Variants in HIVEP1 observed in about 807,000 individuals in gnomAD.
The protein encoded by HIVEP1 is HIVEP zinc finger 1.
A neutral mutation model predicts 180.0 loss-of-function variants in HIVEP1; 36 were observed. That is an observed-to-expected ratio of 0.20 (90% CI 0.15 to 0.26). The LOEUF (loss-of-function observed/expected upper bound fraction) is 0.26. HIVEP1 is among the 10% of genes least tolerant of loss of function. HIVEP1 has a pLI of 1.00. For synonymous variants in HIVEP1, 1,239 were observed against 1,239.0 expected, an observed-to-expected ratio of 1.00 and a Z score of 0.00; for missense variants, 3,143 against 3,268.7, an observed-to-expected ratio of 0.96 and a Z score of 0.94.
intron 2 of HIVEP1, among the ~76,000 whole-genome samples, chr6:12,060,372 C>T (rs1771148032): frequency 6.6e-6 from 1 of 152,150 alleles, no homozygotes; most frequent in Admixed American, 6.6e-5. Flanking sequence ...TAAACTAAAC[C>T]TGATAACAAT....
At chr6:12,022,118 T>C (rs1208271602) in intron 2 of HIVEP1, among the ~76,000 whole-genome samples, 1 of 152,228 alleles carries the variant, frequency 6.6e-6, no homozygotes, top group East Asian at 1.9e-4. Context: ...CCTGAACAGA[T>C]AAACCAGGTG....
chr6:12,050,902 A>T (rs1032509091), intron 2 of HIVEP1, among the ~76,000 whole-genome samples: 1 of 150,900 alleles, frequency 6.6e-6, no homozygotes, highest in Non-Finnish European at 1.5e-5. Flanking sequence ...GGGGAACCAC[A>T]GGCCAGGCGC....
At chr6:12,028,621 G>A (rs1227540403) in intron 2 of HIVEP1, among the ~76,000 whole-genome samples, 1 of 152,150 alleles carries the variant, frequency 6.6e-6, no homozygotes, top group Non-Finnish European at 1.5e-5. Flanking sequence ...TGATGGATAT[G>A]CTCCTTCATG....
intron 3 of HIVEP1, among the ~76,000 whole-genome samples, chr6:12,108,485 G>A (rs960069595): frequency 1.5e-4 from 23 of 152,226 alleles, no homozygotes; most frequent in Admixed American, 1.4e-3. Flanking sequence ...GCCCACGGAG[G>A]GGGTGGGAGG....
chr6:12,051,121 C>G (rs565981020), intron 2 of HIVEP1, among the ~76,000 whole-genome samples: 1 of 149,518 alleles, frequency 6.7e-6, no homozygotes, highest in South Asian at 2.1e-4. Context: ...AGCGAGAATG[C>G]TTGTACTCCT....
chr6:12,101,501 T>C (rs1240868767), intron 3 of HIVEP1, among the ~76,000 whole-genome samples: 1 of 152,052 alleles, frequency 6.6e-6, no homozygotes, highest in Non-Finnish European at 1.5e-5. Flanking sequence ...TAAGTTAATA[T>C]AAACCTCACT....
At position 12,125,792 on chromosome 6, in the gene HIVEP1, A is replaced by C. The variant is rs772811408; in HGVS notation, c.5997A>C (p.Leu1999=). 6.2e-7 allele frequency: 1 copy of C among 1,613,820 alleles called. No individual in the cohort carries two copies. The highest frequency in any genetic ancestry group is 8.5e-7 in the Non-Finnish European group (1 of 1,179,846). The stretch of plus-strand genomic sequence containing the variant: ...CAAAACAGAACACTGGAAAATCACT[A>C]TACTGTCAAGCAATAACTACCCATT... ...LNSKQNTGKS[L]YCQAITTHSK... The change falls in exon 4 of 9, where the codon CTA becomes CTC. Residue 1999 remains leucine, a synonymous_variant. Transcript: ENST00000379388.
At chr6:12,114,282 A>G (rs1775088141) in intron 3 of HIVEP1, among the ~76,000 whole-genome samples, 1 of 152,198 alleles carries the variant, frequency 6.6e-6, no homozygotes, top group Non-Finnish European at 1.5e-5. Flanking sequence ...CCCAGTGACC[A>G]CCAAGCCCAG....
Position 12,123,702 on chromosome 6 carries a change from T to C in HIVEP1, c.3907T>C (p.Ser1303Pro), listed in dbSNP as rs576143413. Residue 1303 changes from serine (S) to proline (P), a missense_variant, in exon 4 of 9, where the codon TCC becomes CCC. By Grantham distance (74) the Ser-to-Pro change is moderately conservative (BLOSUM62 -1). Coordinates refer to ENST00000379388, the MANE Select transcript of HIVEP1 (RefSeq NM_002114.4). ...AGAATCGAGCTTTGATTCCACTCTCTCCAGGAGTCTAAGTAGGGAGAGCAG... is the reference window on the plus strand; with the variant it reads ...AGAATCGAGCTTTGATTCCACTCTCCCCAGGAGTCTAAGTAGGGAGAGCAG... ...STESSFDSTL[S>P]RSLSRESSLS... 1.5e-5 allele frequency: 25 copies of C among 1,614,066 alleles called. No individual in the cohort carries two copies. The highest frequency in any genetic ancestry group is 1.9e-5 in the Non-Finnish European group (22 of 1,179,988).
chr6:12,169,555 A>G (rs1193274767), downstream of HIVEP1, among the ~76,000 whole-genome samples: 1 of 152,218 alleles, frequency 6.6e-6, no homozygotes, highest in Admixed American at 6.5e-5. Flanking sequence ...CAGATCAGGT[A>G]AACTAGGACA....
chr6:12,015,780 C>A (rs185525155), intron 2 of HIVEP1, 112 bp downstream of exon 2: 2 of 826,308 alleles, frequency 2.4e-6, no homozygotes, highest in Non-Finnish European at 4.0e-6. Flanking sequence ...TGGTGAGGAG[C>A]GCTATTTCTC....
chr6:12,181,024 T>C, the HIVEP1 span, among the ~76,000 whole-genome samples: 1 of 152,234 alleles, frequency 6.6e-6, no homozygotes, highest in Admixed American at 6.5e-5. Context: ...GGCAGTCTTA[T>C]AATTCTGACT....
At chr6:12,099,736 G>A (rs562335641) in intron 3 of HIVEP1, among the ~76,000 whole-genome samples, 10 of 152,142 alleles carry the variant, frequency 6.6e-5, no homozygotes, top group African/African-American at 2.4e-4. Flanking sequence ...AATGTTTATT[G>A]AATCGATGAT....
chr6:12,196,763 G>C, the HIVEP1 span, among the ~76,000 whole-genome samples: 1 of 152,136 alleles, frequency 6.6e-6, no homozygotes, highest in Non-Finnish European at 1.5e-5. Context: ...CTCTTCCTAG[G>C]CTCTCAGTGA....
chr6:12,043,094 C>T (rs1769882484), intron 2 of HIVEP1, among the ~76,000 whole-genome samples: 1 of 152,086 alleles, frequency 6.6e-6, no homozygotes, highest in African/African-American at 2.4e-5. Context: ...TTTATTTGTT[C>T]CTGTGCTATA....
chr6:12,042,127 C>T (rs187850449), intron 2 of HIVEP1, among the ~76,000 whole-genome samples: 3,769 of 144,074 alleles, frequency 0.026, 78 homozygotes, highest in Middle Eastern at 0.049. Flanking sequence ...GGCGGGACTG[C>T]GGACTGCAGT....
chr6:12,011,042 G>T (rs1480289738), upstream of HIVEP1, among the ~76,000 whole-genome samples: 2 of 152,184 alleles, frequency 1.3e-5, no homozygotes, highest in East Asian at 3.9e-4. Context: ...CACCAGCGGG[G>T]CTTTGGAGCG....
At chr6:12,167,640 CATATACATATATATGTT>C (rs1562023605), downstream of HIVEP1, among the ~76,000 whole-genome samples, 23,901 of 92,516 alleles carry the variant, frequency 0.26, 3,857 homozygotes, top group Middle Eastern at 0.32. Context: ...GTTATATATA[CATATACATATATATGTT>C]ATATATACAT....
In HIVEP1 at chr6:12,013,062, G is replaced by C. The variant is rs1021786840; in HGVS notation, c.-104+496G>C. Among the ~76,000 whole-genome samples, 3 of 152,216 alleles carry C rather than the reference G, an allele frequency of 2.0e-5. No individual in the cohort carries two copies. The East Asian group carries it at 5.8e-4, about 30-fold the overall frequency. ...TCGCCTTGGGGTCGGGCTCGGGAAG[G>C]AGTTGCTGGCTGGAGAGGGGAGGGG... On this transcript the variant is annotated intron_variant, in intron 1 of 8. Coordinates refer to ENST00000379388, the MANE Select transcript of HIVEP1 (RefSeq NM_002114.4).
Sources: allele counts gnomAD v4.1 joint callset (sites outside exome capture counted in the v4.1 genomes callset), GRCh38; gene constraint gnomAD v4.1.1; transcripts MANE v1.5; gene names NCBI Gene and HGNC (gene_info 2026-07-23, HGNC 2026-07-21).